RILPL2: variants seen among roughly 807,000 people sequenced by gnomAD.
The protein encoded by RILPL2 is RILP-like protein 2.
A neutral mutation model predicts 22.2 loss-of-function variants in RILPL2; 19 were observed. The ratio of observed to expected loss-of-function variants is 0.86; its 90% confidence interval spans 0.60 to 1.25. RILPL2 has a LOEUF of 1.25. RILPL2 is among the 50% of genes most tolerant of loss of function. The pLI is 0.00. For missense variants in RILPL2, 243 were observed against 263.6 expected (o/e 0.92, Z 0.54); for synonymous variants, 123 against 111.6 (o/e 1.10, Z -0.64).
intron 1 of RILPL2, among the ~76,000 whole-genome samples, chr12:123,431,825 C>CAA (rs1433072161): frequency 6.3e-5 from 6 of 95,738 alleles, no homozygotes; most frequent in African/African-American, 1.2e-4. Context: ...AACTCCATCT[C>CAA]AAAAAAAAAA....
rs1342839576 is a variant in RILPL2 at position 123,415,061 on chromosome 12, C to T, written c.*830G>A. ...ACATTGAGTAAGCCACTGTTATTTA[C>T]TAAGAAGACAGGCTCACGGAATGGT... On this transcript the variant is annotated 3_prime_UTR_variant, in exon 4 of 4. Transcript: ENST00000280571. 6.6e-6 allele frequency: 1 copy of T among 151,892 alleles called. No homozygotes were observed. Among genetic ancestry groups the T allele is most frequent in the African/African-American group, 2.4e-5 (1 of 41,390 alleles). The allele number at this position is 151,892 out of a possible 1,614,324, so 9.4% of individuals were successfully genotyped here.
At chr12:123,410,247 T>G (rs541940564), downstream of RILPL2, among the ~76,000 whole-genome samples, 4 of 152,038 alleles carry the variant, frequency 2.6e-5, no homozygotes, top group African/African-American at 7.3e-5. Context: ...TTACTAGACT[T>G]GATGATTCTC....
chr12:123,430,421 A>G (rs1037998053), intron 2 of RILPL2, 87 bp downstream of exon 2: 55 of 1,380,980 alleles, frequency 4.0e-5, no homozygotes, highest in Middle Eastern at 2.8e-4. Context: ...AAAAACAAAA[A>G]CAAAACAAAA....
At chr12:123,433,208 G>C (rs901326311) in intron 1 of RILPL2, among the ~76,000 whole-genome samples, 25 of 151,228 alleles carry the variant, frequency 1.7e-4, no homozygotes, top group African/African-American at 5.1e-4. Context: ...CCGGGTTCAA[G>C]CAATTCTCTT....
chr12:123,422,249 G>A (rs199709411), intron 3 of RILPL2, among the ~76,000 whole-genome samples: 1 of 150,072 alleles, frequency 6.7e-6, no homozygotes, highest in Non-Finnish European at 1.5e-5. Context: ...TTGGCCAGGC[G>A]CAGTGGCTCA....
chr12:123,432,987 A>AGAC (rs1008318895), intron 1 of RILPL2, among the ~76,000 whole-genome samples: 52 of 145,006 alleles, frequency 3.6e-4, no homozygotes, highest in African/African-American at 1.4e-3. Context: ...ATAATAATTA[A>AGAC]GAAGAAGAAG....
chr12:123,418,764 T>C (rs1236594595), intron 3 of RILPL2, among the ~76,000 whole-genome samples: 4 of 144,416 alleles, frequency 2.8e-5, no homozygotes, highest in Non-Finnish European at 3.0e-5. Flanking sequence ...TTCTTTTTTT[T>C]TTTTTTTTTT....
At chr12:123,419,612 T>C (rs1286155986) in intron 3 of RILPL2, among the ~76,000 whole-genome samples, 4 of 150,068 alleles carry the variant, frequency 2.7e-5, no homozygotes, top group Non-Finnish European at 5.9e-5. Context: ...TTTTCTTTTT[T>C]TTTTTTTTTT....
intron 2 of RILPL2, among the ~76,000 whole-genome samples, chr12:123,423,462 A>G (rs566347331): frequency 6.6e-6 from 1 of 151,798 alleles, no homozygotes; most frequent in East Asian, 1.9e-4. Flanking sequence ...CAGACTCCCA[A>G]AGTGCTGGGA....
At chr12:123,418,072 A>G (rs755123229) in intron 3 of RILPL2, among the ~76,000 whole-genome samples, 1 of 152,150 alleles carries the variant, frequency 6.6e-6, no homozygotes, top group Non-Finnish European at 1.5e-5. Context: ...CTGGAACTAC[A>G]GGCACATACC....
intron 3 of RILPL2, among the ~76,000 whole-genome samples, chr12:123,416,489 A>C (rs946490615): frequency 1.3e-5 from 2 of 151,786 alleles, no homozygotes; most frequent in Admixed American, 1.3e-4. Flanking sequence ...AATACAAAAA[A>C]TTAGCCGGGT....
chr12:123,420,271 C>CG (rs889848678), intron 3 of RILPL2, among the ~76,000 whole-genome samples: 1 of 151,804 alleles, frequency 6.6e-6, no homozygotes, highest in African/African-American at 2.4e-5. Flanking sequence ...GTGATCCTCC[C>CG]GCCTCGGCCT....
At position 123,436,377 on chromosome 12, in the gene RILPL2, T is replaced by A. The variant is rs145516641; in HGVS notation, c.44A>T (p.Glu15Val). ...AACCTCGTCCCTCTCCTCGTCCTCC[T>A]CTCCCTCCTCCTCTTCCTCTTCTCG... is the stretch of plus-strand genomic sequence containing the variant. The part of the protein sequence containing the change: ...PVREEEEEEG[E>V]EDEERDEVGP... Residue 15 changes from glutamate to valine, a missense_variant, in exon 1 of 4, where the codon GAG (glutamate) becomes GTG (valine). Glu to Val is a moderately radical substitution (Grantham distance 121). Transcript: ENST00000280571. The surrounding 1 kb of genome is among the most constrained non-coding windows in gnomAD (Gnocchi z 6.7). 6.4e-7 allele frequency: 1 copy of A among 1,552,354 alleles called. No homozygotes were observed. Among genetic ancestry groups the A allele is most frequent in the African/African-American group, 1.4e-5 (1 of 73,080 alleles).
chr12:123,436,249 C>T lies in RILPL2; in HGVS notation c.172G>A (p.Asp58Asn), dbSNP rs1335113443. 10 of 1,611,682 alleles carry T rather than the reference C, an allele frequency of 6.2e-6. No homozygotes were observed. Among genetic ancestry groups the T allele is most frequent in the Non-Finnish European group, 8.5e-6 (10 of 1,179,098 alleles). Residue 58 changes from aspartate to asparagine, a missense_variant, in exon 1 of 4, where the codon GAC becomes AAC. By Grantham distance (23) the Asp-to-Asn change is conservative. Transcript: ENST00000280571. The surrounding 1 kb of genome is among the most constrained non-coding windows in gnomAD (Gnocchi z 6.7). ...AACTGCAGCTGCGTCACCCGGGGGT[C>T]GCTGCCCAGGGCCATAAGCTCGCGG... ...LGRELMALGSDPRVTQLQFKV... is the reference protein window; with the variant it reads ...LGRELMALGSNPRVTQLQFKV...
chr12:123,419,947 TC>T (rs1419352229), intron 3 of RILPL2, among the ~76,000 whole-genome samples: 1 of 147,150 alleles, frequency 6.8e-6, no homozygotes, highest in Non-Finnish European at 1.5e-5. Context: ...TGCCTCAGCC[TC>T]CCAAGTAGCT....
At chr12:123,412,008 A>G (rs980547073), downstream of RILPL2, 1 of 152,162 alleles carries the variant, frequency 6.6e-6, no homozygotes, top group African/African-American at 2.4e-5. Flanking sequence ...ATCAGATTTT[A>G]CCAAGAGTTG....
intron 3 of RILPL2, among the ~76,000 whole-genome samples, chr12:123,416,238 C>A (rs972152651): frequency 6.6e-6 from 1 of 151,682 alleles, no homozygotes; most frequent in Non-Finnish European, 1.5e-5. Context: ...GCAGGAGAAT[C>A]GCTTGAACCC....
intron 2 of RILPL2, among the ~76,000 whole-genome samples, chr12:123,426,234 C>T (rs1013009063): frequency 5.3e-5 from 8 of 151,416 alleles, no homozygotes; most frequent in African/African-American, 7.3e-5. Context: ...TTGCAACCTC[C>T]GCCTCCTGGG....
chr12:123,432,988 G>A (rs1247660418), intron 1 of RILPL2, among the ~76,000 whole-genome samples: 1 of 144,458 alleles, frequency 6.9e-6, no homozygotes. Flanking sequence ...TAATAATTAA[G>A]AAGAAGAAGA....
Sources: allele counts gnomAD v4.1 joint callset (sites outside exome capture counted in the v4.1 genomes callset), GRCh38; gene constraint gnomAD v4.1.1; non-coding constraint Gnocchi (gnomAD v3.1); transcripts MANE v1.5; gene names NCBI Gene and HGNC (gene_info 2026-07-23, HGNC 2026-07-21).